AGBL1: variants seen among roughly 807,000 people sequenced by gnomAD.
AGBL1 encodes AGBL carboxypeptidase 1, also known as cytosolic carboxypeptidase 4.
In AGBL1, 130 loss-of-function variants were observed where a neutral mutation model predicts 118.9. The observed-to-expected ratio is 1.09, with a 90% CI of 0.95 to 1.26. The LOEUF (loss-of-function observed/expected upper bound fraction) is 1.26, where lower values mean the gene tolerates loss of function less well. Among genes scored for constraint, AGBL1 ranks in the 50% most tolerant of loss-of-function variants. AGBL1 has a pLI of 0.00. For missense variants in AGBL1, 1,584 were observed against 1,298.1 expected (o/e 1.22, Z -3.38); for synonymous variants, 555 against 478.9 (o/e 1.16, Z -2.08).
intron 22 of AGBL1, among the ~76,000 whole-genome samples, chr15:86,752,248 C>T (rs904500406): frequency 6.6e-6 from 1 of 152,038 alleles, no homozygotes. Flanking sequence ...CAGCTCTGTC[C>T]CTCCCAACTG....
At chr15:86,890,475 G>A (rs1239631408) in intron 22 of AGBL1, among the ~76,000 whole-genome samples, 3 of 152,010 alleles carry the variant, frequency 2.0e-5, no homozygotes, top group African/African-American at 7.2e-5. Flanking sequence ...GCCTGTGCCT[G>A]TGTCCTGAAT....
Position 86,613,227 on chromosome 15 carries a change from G to C in AGBL1, c.2994+58690G>C, listed in dbSNP as rs981210994. ...ACCTTAAAGAAGAAAACAAATTAAA[G>C]CAGGAATCGGAGCGAGAGGTTTGTT... On this transcript the variant is annotated intron_variant, in intron 21 of 22. Transcript: ENST00000614907. This position sits in a 1 kb window ranked among gnomAD's most constrained non-coding sequence, Gnocchi z 4.2. Among the ~76,000 whole-genome samples, 1 of 152,174 alleles carries C rather than the reference G, an allele frequency of 6.6e-6. No homozygotes were observed. Among genetic ancestry groups the C allele is most frequent in the African/African-American group, 2.4e-5 (1 of 41,432 alleles).
chr15:86,927,276 C>A (rs2080552464), intron 23 of AGBL1, among the ~76,000 whole-genome samples: 1 of 152,080 alleles, frequency 6.6e-6, no homozygotes, highest in South Asian at 2.1e-4. Context: ...CAAAGTAGCT[C>A]AACTTACAAA....
intron 21 of AGBL1, among the ~76,000 whole-genome samples, chr15:86,592,933 C>T (rs1034864525): frequency 2.0e-5 from 3 of 152,166 alleles, no homozygotes; most frequent in Non-Finnish European, 4.4e-5. Context: ...TCTAACAAAA[C>T]CACTGGTTTA....
chr15:86,124,605 G>A (rs8023886), intron 1 of AGBL1, among the ~76,000 whole-genome samples: 1 of 152,076 alleles, frequency 6.6e-6, no homozygotes, highest in South Asian at 2.1e-4. Context: ...TTCCTTAAGG[G>A]ACTTGGTTCA....
chr15:86,110,939 C>G (rs187000068), intron 1 of AGBL1, among the ~76,000 whole-genome samples: 3 of 152,312 alleles, frequency 2.0e-5, no homozygotes, highest in Non-Finnish European at 4.4e-5. Context: ...TACAGCCAAG[C>G]TATGAAAGCT....
chr15:86,736,646 T>C (rs1302637046), intron 22 of AGBL1, among the ~76,000 whole-genome samples: 2 of 152,182 alleles, frequency 1.3e-5, no homozygotes, highest in African/African-American at 4.8e-5. Flanking sequence ...ATTTGGCTCT[T>C]CCACTAGCCG....
Position 86,264,770 on chromosome 15 carries a change from T to C in AGBL1, c.1599T>C (p.Pro533=). Residue 533 remains proline (P), a synonymous_variant, in exon 11 of 23, where the codon CCT becomes CCC. Coordinates refer to ENST00000614907, the MANE Select transcript of AGBL1 (RefSeq NM_001386094.1). ...SVVDFKMMAF[P]DVWGHCPPPT... is the part of the protein sequence containing the mutation. ...TGGACTTCAAGATGATGGCATTTCCTGATGTCTGGGGACACTGTCCCCCTC... is the reference window on the plus strand; with the variant it reads ...TGGACTTCAAGATGATGGCATTTCCCGATGTCTGGGGACACTGTCCCCCTC... 1.9e-6 allele frequency: 3 copies of C among 1,614,062 alleles called. No homozygotes were observed. Among genetic ancestry groups the C allele is most frequent in the Non-Finnish European group, 1.7e-6 (2 of 1,179,906 alleles).
At chr15:86,502,371 T>C (rs1318663063) in intron 18 of AGBL1, among the ~76,000 whole-genome samples, 4 of 151,500 alleles carry the variant, frequency 2.6e-5, no homozygotes, top group Non-Finnish European at 5.9e-5. Context: ...GATTGTATCA[T>C]TTGCAAATAA....
chr15:86,890,474 T>A (rs542956458), intron 22 of AGBL1, among the ~76,000 whole-genome samples: 1 of 152,194 alleles, frequency 6.6e-6, no homozygotes, highest in African/African-American at 2.4e-5. Flanking sequence ...TGCCTGTGCC[T>A]GTGTCCTGAA....
In AGBL1 at chr15:86,909,824, G is replaced by A. The variant is rs1191462610; in HGVS notation, c.*2530G>A. 2 of 152,174 alleles carry A rather than the reference G, an allele frequency of 1.3e-5. No homozygotes were observed. Among genetic ancestry groups the A allele is most frequent in the Admixed American group, 1.3e-4 (2 of 15,278 alleles). The allele number at this position is 152,174 out of a possible 1,614,324, so 9.4% of individuals were successfully genotyped here. A position where few individuals can be genotyped will look rare whatever the true frequency, so the allele number is the denominator to read the frequency against. On this transcript the variant is annotated 3_prime_UTR_variant, in exon 23 of 23. Transcript: ENST00000614907. The stretch of plus-strand genomic sequence containing the variant: ...TATTATTTCAGCCCAAATTAGTTTT[G>A]GGGGTTAGCTTCTGGTCATGAGGCA...
intron 2 of AGBL1, 44 bp from the exon 3 acceptor site, chr15:86,143,655 G>A (rs1567082682): frequency 1.2e-6 from 2 of 1,601,562 alleles, no homozygotes; most frequent in Non-Finnish European, 1.7e-6. Context: ...AAGGAAAATG[G>A]GGATTATTAC....
intron 22 of AGBL1, among the ~76,000 whole-genome samples, chr15:86,870,281 G>A (rs1596572197): frequency 6.6e-6 from 1 of 151,666 alleles, no homozygotes; most frequent in Non-Finnish European, 1.5e-5. Context: ...AGTTTACAAG[G>A]GAGAAATCTG....
downstream of AGBL1, among the ~76,000 whole-genome samples, chr15:87,029,673 T>A (rs960374247): frequency 2.6e-5 from 4 of 151,986 alleles, no homozygotes; most frequent in African/African-American, 9.7e-5. Context: ...AAAGAGATAG[T>A]CTGTAGGGAA....
At chr15:86,980,997 C>T (rs2081227140) in intron 23 of AGBL1, among the ~76,000 whole-genome samples, 1 of 151,082 alleles carries the variant, frequency 6.6e-6, no homozygotes, top group East Asian at 2.0e-4. Flanking sequence ...AGCAATTCTC[C>T]TGTCTCAGAC....
chr15:87,012,855 C>G (rs1346857885), intron 24 of AGBL1, among the ~76,000 whole-genome samples: 5 of 152,032 alleles, frequency 3.3e-5, no homozygotes, highest in Admixed American at 6.6e-5. Flanking sequence ...GAGATGATTG[C>G]CCTTGAGGGC....
At chr15:86,564,293 G>A (rs1040888270) in intron 21 of AGBL1, among the ~76,000 whole-genome samples, 31 of 152,290 alleles carry the variant, frequency 2.0e-4, no homozygotes, top group Admixed American at 7.2e-4. Context: ...CATGTTTAGT[G>A]CTTCCTTCAG....
intron 16 of AGBL1, among the ~76,000 whole-genome samples, chr15:86,289,271 C>T (rs535030732): frequency 6.4e-4 from 97 of 152,222 alleles, no homozygotes; most frequent in African/African-American, 2.2e-3. Context: ...ATGCTATTTT[C>T]CATGCCTCAC....
intron 19 of AGBL1, among the ~76,000 whole-genome samples, chr15:86,539,881 G>A (rs999057959): frequency 1.3e-5 from 2 of 152,176 alleles, no homozygotes; most frequent in African/African-American, 4.8e-5. Flanking sequence ...CTCTACTTCA[G>A]CTCTTCTCTT....
Sources: allele counts gnomAD v4.1 joint callset (sites outside exome capture counted in the v4.1 genomes callset), GRCh38; gene constraint gnomAD v4.1.1; non-coding constraint Gnocchi (gnomAD v3.1); transcripts MANE v1.5; gene names NCBI Gene and HGNC (gene_info 2026-07-23, HGNC 2026-07-21).